Variants in STXBP5 observed in about 807,000 individuals in gnomAD.
STXBP5 encodes syntaxin-binding protein 5.
A neutral mutation model predicts 152.4 loss-of-function variants in STXBP5; 50 were observed. The ratio of observed to expected loss-of-function variants is 0.33; its 90% CI spans 0.26 to 0.42. The LOEUF is 0.42. STXBP5 is among the 10% of genes least tolerant of loss of function. The pLI, the probability that STXBP5 is intolerant of heterozygous loss-of-function variation, is 1.00. For missense variants in STXBP5, 1,167 were observed against 1,388.6 expected, an observed-to-expected ratio of 0.84 and a Z score of 2.54; for synonymous variants, 492 against 494.7, an observed-to-expected ratio of 0.99 and a Z score of 0.07.
chr6:147,356,695 A>G (rs957125382), intron 22 of STXBP5, among the ~76,000 whole-genome samples: 8 of 152,122 alleles, frequency 5.3e-5, no homozygotes, highest in Non-Finnish European at 4.4e-5. Flanking sequence ...TGTTGCATAT[A>G]GTTATTGGGG....
intron 21 of STXBP5, among the ~76,000 whole-genome samples, chr6:147,340,347 CTGTT>C (rs1344093131): frequency 6.6e-6 from 1 of 152,052 alleles, no homozygotes; most frequent in Non-Finnish European, 1.5e-5. Context: ...CGGTGGCTGA[CTGTT>C]AGCCCCTTGT....
intron 2 of STXBP5, among the ~76,000 whole-genome samples, chr6:147,216,248 C>G (rs562752091): frequency 6.6e-6 from 1 of 151,926 alleles, no homozygotes; most frequent in African/African-American, 2.4e-5. Context: ...AAAAATTTGC[C>G]GAGCGTGGTG....
intron 9 of STXBP5, among the ~76,000 whole-genome samples, chr6:147,301,549 TTGA>T (rs769749316): frequency 6.6e-6 from 1 of 152,186 alleles, no homozygotes. Flanking sequence ...CCTTAAATGG[TTGA>T]TTTTTGCTTT....
chr6:147,256,251 T>G (rs926287423), intron 4 of STXBP5, among the ~76,000 whole-genome samples: 3 of 152,230 alleles, frequency 2.0e-5, no homozygotes, highest in African/African-American at 7.2e-5. Context: ...TAAACATCCT[T>G]GTCAGCAGAG....
At chr6:147,328,696 A>G (rs1044447045) in intron 18 of STXBP5, 8 of 470,184 alleles carry the variant, frequency 1.7e-5, no homozygotes, top group African/African-American at 1.4e-4. Context: ...TTGCTTCACT[A>G]AGGTGTGCTG....
rs1045209250 is a variant in STXBP5 at position 147,387,622 on chromosome 6, A to T, written c.*2867A>T. 6.6e-6 allele frequency: 1 copy of T among 151,752 alleles called. No homozygotes were observed. Among genetic ancestry groups the T allele is most frequent in the Admixed American group, 6.6e-5 (1 of 15,206 alleles). 9.4% of individuals were successfully genotyped at this position (151,752 alleles called of 1,614,324 possible). ...CTTAACACTTTTGCTTTGCATTTCAATTGTACAAAGTGTTTCCAAAAAAAT... is the reference window on the plus strand; with the variant it reads ...CTTAACACTTTTGCTTTGCATTTCATTTGTACAAAGTGTTTCCAAAAAAAT... On this transcript the variant is annotated 3_prime_UTR_variant, in exon 28 of 28. Coordinates refer to ENST00000321680, the MANE Select transcript of STXBP5 (RefSeq NM_001127715.4).
intron 7 of STXBP5, among the ~76,000 whole-genome samples, chr6:147,267,440 T>C (rs1779948522): frequency 6.6e-6 from 1 of 152,148 alleles, no homozygotes; most frequent in South Asian, 2.1e-4. Flanking sequence ...TACAAGCAAA[T>C]TCATAAATAT....
chr6:147,208,920 TA>T (rs1362367125), intron 2 of STXBP5, among the ~76,000 whole-genome samples: 2 of 152,256 alleles, frequency 1.3e-5, no homozygotes, highest in Non-Finnish European at 2.9e-5. Flanking sequence ...ATGTATTTAC[TA>T]CATTAATGTA....
rs938525083 is a variant in STXBP5, at chr6:147,388,041, G to A, written c.*3286G>A. On this transcript the variant is annotated 3_prime_UTR_variant, in exon 28 of 28. Coordinates refer to ENST00000321680, the MANE Select transcript of STXBP5 (RefSeq NM_001127715.4). The stretch of plus-strand genomic sequence containing the variant: ...GACATTAGAAAAGCTATATCCAAAG[G>A]TAAATTTTTTGTGGCAAAGATTTAT... 10 of 151,636 alleles carry A rather than the reference G, an allele frequency of 6.6e-5. No homozygotes were observed. Among genetic ancestry groups the A allele is most frequent in the Non-Finnish European group, 1.0e-4 (7 of 67,722 alleles). The allele number at this position is 151,636 out of a possible 1,614,324, so 9.4% of individuals were successfully genotyped here.
At chr6:147,248,118 A>G (rs904658495) in intron 4 of STXBP5, among the ~76,000 whole-genome samples, 17 of 152,026 alleles carry the variant, frequency 1.1e-4, no homozygotes, top group Admixed American at 7.2e-4. Flanking sequence ...TGTCTCTACT[A>G]AAAATACAAA....
intron 26 of STXBP5, among the ~76,000 whole-genome samples, chr6:147,376,709 G>T (rs1228817852): frequency 6.6e-6 from 1 of 151,968 alleles, no homozygotes; most frequent in Non-Finnish European, 1.5e-5. Flanking sequence ...TACTCATGAA[G>T]CTGAGGCAGG....
rs1310060032 is a variant in STXBP5, at chr6:147,387,048, TTTGAG to T, written c.*2296_*2300del. ...TTGTAAGAAAATCTTAAATCAGTGTTTTGAGTTATTTAATTTTTAAATTAATCTAC... is the reference window on the plus strand; with the variant it reads ...TTGTAAGAAAATCTTAAATCAGTGTTTTATTTAATTTTTAAATTAATCTAC... On this transcript the variant is annotated 3_prime_UTR_variant, in exon 28 of 28. Coordinates refer to ENST00000321680, the MANE Select transcript of STXBP5 (RefSeq NM_001127715.4). 1.3e-5 allele frequency: 2 copies of T among 151,758 alleles called. No individual in the cohort carries two copies. The highest frequency in any genetic ancestry group is 2.4e-5 in the African/African-American group (1 of 41,422). 9.4% of individuals were successfully genotyped at this position (151,758 alleles called of 1,614,324 possible). A position where few individuals can be genotyped will look rare whatever the true frequency, so the allele number is the denominator to read the frequency against.
rs751747104 is a variant in STXBP5 at position 147,364,026 on chromosome 6, G to A, written c.2941G>A (p.Asp981Asn). Residue 981 changes from aspartate to asparagine, a missense_variant, in exon 25 of 28, where the codon GAT becomes AAT. Asp to Asn is a conservative substitution (Grantham distance 23, BLOSUM62 1). Coordinates refer to ENST00000321680, the MANE Select transcript of STXBP5 (RefSeq NM_001127715.4). ...FSLPSLRPLL[D>N]VYYLPLTNMR... ...TTTGCCAAGTTTAAGACCTCTGTTG[G>A]ATGTGTATTACTTGCCCCTTACCAA... The A allele has an allele frequency of 1.2e-6, 2 of 1,613,620 alleles. No homozygotes were observed. Among genetic ancestry groups the A allele is most frequent in the Non-Finnish European group, 8.5e-7 (1 of 1,179,894 alleles).
At chr6:147,367,634 T>C (rs970946162) in intron 25 of STXBP5, among the ~76,000 whole-genome samples, 1 of 151,606 alleles carries the variant, frequency 6.6e-6, no homozygotes, top group Non-Finnish European at 1.5e-5. Context: ...CGAGATTCTG[T>C]CTCAAAAAAC....
intron 24 of STXBP5, 99 bp from the exon 25 acceptor site, chr6:147,363,902 T>C: frequency 2.1e-6 from 3 of 1,419,288 alleles, no homozygotes; most frequent in Non-Finnish European, 2.9e-6. Context: ...ACAAACTAAA[T>C]CATAAGATTT....
intron 22 of STXBP5, among the ~76,000 whole-genome samples, chr6:147,354,231 A>C (rs1784718034): frequency 6.6e-6 from 1 of 152,126 alleles, no homozygotes; most frequent in Non-Finnish European, 1.5e-5. Context: ...GGTCCATTTA[A>C]ACATACTAAT....
At chr6:147,287,413 G>T (rs960716323) in intron 8 of STXBP5, among the ~76,000 whole-genome samples, 3 of 151,088 alleles carry the variant, frequency 2.0e-5, no homozygotes, top group Admixed American at 2.0e-4. Flanking sequence ...CGTTTTAGCC[G>T]GGATGGTCTC....
intron 9 of STXBP5, among the ~76,000 whole-genome samples, chr6:147,294,514 C>T (rs1354702231): frequency 6.6e-6 from 1 of 152,026 alleles, no homozygotes; most frequent in Non-Finnish European, 1.5e-5. Flanking sequence ...TGACAAACAC[C>T]TAAAATGCAG....
intron 21 of STXBP5, among the ~76,000 whole-genome samples, chr6:147,349,629 A>G (rs1275206551): frequency 6.6e-6 from 1 of 152,202 alleles, no homozygotes; most frequent in Non-Finnish European, 1.5e-5. Flanking sequence ...GAGATAGGGT[A>G]TAAATCCCAT....
Sources: gnomAD v4.1 joint callset for allele counts (sites outside exome capture counted in the v4.1 genomes callset) on GRCh38, gnomAD v4.1.1 for gene constraint, MANE v1.5 for transcripts, NCBI Gene and HGNC (gene_info 2026-07-23, HGNC 2026-07-21) for gene names.